SPAM1: variants seen among roughly 807,000 people sequenced by gnomAD.
SPAM1 encodes sperm adhesion molecule 1, also known as hyaluronidase PH-20.
In SPAM1, 22 loss-of-function variants were observed where a neutral mutation model predicts 29.6. That is an observed-to-expected ratio of 0.74 (90% CI 0.53 to 1.06). The LOEUF is 1.06. Among genes scored for constraint, SPAM1 ranks in the 50% least tolerant of loss-of-function variants. SPAM1 has a pLI of 0.00. For missense variants in SPAM1, 534 were observed against 604.0 expected (o/e 0.88, Z 1.21); for synonymous variants, 194 against 204.6 (o/e 0.95, Z 0.44).
At chr7:123,946,805 G>A (rs1808587988) in intron 1 of SPAM1, among the ~76,000 whole-genome samples, 1 of 152,136 alleles carries the variant, frequency 6.6e-6, no homozygotes, top group African/African-American at 2.4e-5. Context: ...ATAAGGTAGA[G>A]GAAGCAATCA....
intron 1 of SPAM1, among the ~76,000 whole-genome samples, chr7:123,934,788 T>A (rs75006994): frequency 7.4e-4 from 113 of 152,196 alleles, no homozygotes; most frequent in African/African-American, 2.6e-3. Flanking sequence ...GAAACGTTGA[T>A]CTTATAGAGG....
intron 1 of SPAM1, among the ~76,000 whole-genome samples, chr7:123,931,144 A>G (rs962748505): frequency 6.6e-6 from 1 of 152,138 alleles, no homozygotes; most frequent in African/African-American, 2.4e-5. Flanking sequence ...GTAATACCCC[A>G]TAATGAAGGC....
chr7:123,927,735 T>C (rs1386573242), intron 1 of SPAM1, among the ~76,000 whole-genome samples: 6 of 152,160 alleles, frequency 3.9e-5, no homozygotes, highest in African/African-American at 1.4e-4. Context: ...TATTAATGTA[T>C]TGAACAAGAG....
intron 1 of SPAM1, among the ~76,000 whole-genome samples, chr7:123,928,425 G>A (rs1807964915): frequency 6.6e-6 from 1 of 152,136 alleles, no homozygotes; most frequent in Non-Finnish European, 1.5e-5. Flanking sequence ...TATACTCTAT[G>A]GTGGCATTAA....
intron 2 of SPAM1, among the ~76,000 whole-genome samples, chr7:123,952,203 A>G (rs1346077515): frequency 6.6e-6 from 1 of 152,134 alleles, no homozygotes; most frequent in Non-Finnish European, 1.5e-5. Context: ...TATATGTTCT[A>G]AACATGAGGG....
Position 123,954,404 on chromosome 7 carries a change from G to A in SPAM1, c.834G>A (p.Val278=), listed in dbSNP as rs748635413. Reference sequence around the variant, plus strand: ...CTCCTGTAGCTGCTACACTCTATGTGCGCAATCGAGTTCGGGAAGCCATCA... The same window carrying A: ...CTCCTGTAGCTGCTACACTCTATGTACGCAATCGAGTTCGGGAAGCCATCA... ...QQSPVAATLY[V]RNRVREAIRV... The change falls in exon 3 of 5, where the codon GTG becomes GTA. Residue 278 remains valine, a synonymous_variant. Transcript: ENST00000682466. 1 of 1,613,366 alleles carries A rather than the reference G, an allele frequency of 6.2e-7. No individual in the cohort carries two copies. The highest frequency in any genetic ancestry group is 8.5e-7 in the Non-Finnish European group (1 of 1,179,630).
Position 123,953,635 on chromosome 7 carries a change from A to G in SPAM1, c.65A>G (p.Gln22Arg), listed in dbSNP as rs1455228294. 5 of 1,612,614 alleles carry G rather than the reference A, an allele frequency of 3.1e-6. No individual in the cohort carries two copies. Among genetic ancestry groups the G allele is most frequent in the Non-Finnish European group, 4.2e-6 (5 of 1,179,498 alleles). ...RSFVKSSGVS[Q>R]IVFTFLLIPC... The stretch of plus-strand genomic sequence containing the variant: ...TTTGTTAAATCAAGTGGAGTATCCC[A>G]GATAGTTTTCACCTTCCTTCTGATT... Residue 22 changes from glutamine to arginine, a missense_variant, in exon 3 of 5, where the codon CAG (glutamine) becomes CGG (arginine). By Grantham distance (43) the Gln-to-Arg change is conservative (BLOSUM62 1). Coordinates refer to ENST00000682466, the MANE Select transcript of SPAM1 (RefSeq NM_153189.3).
downstream of SPAM1, among the ~76,000 whole-genome samples, chr7:123,961,351 A>G (rs1479777969): frequency 6.6e-6 from 1 of 151,894 alleles, no homozygotes; most frequent in Non-Finnish European, 1.5e-5. Flanking sequence ...TAATAATCAT[A>G]ACAATAATTC....
At chr7:123,946,201 A>G (rs1461912082) in intron 1 of SPAM1, among the ~76,000 whole-genome samples, 1 of 152,202 alleles carries the variant, frequency 6.6e-6, no homozygotes, top group Non-Finnish European at 1.5e-5. Context: ...TGAAAGCAGA[A>G]AAACTTGCCT....
Position 123,953,769 on chromosome 7 carries a change from C to A in SPAM1, c.199C>A (p.Pro67Thr), listed in dbSNP as rs1295889307. 6.2e-7 allele frequency: 1 copy of A among 1,612,832 alleles called. No individual in the cohort carries two copies. Among genetic ancestry groups the A allele is most frequent in the Non-Finnish European group, 8.5e-7 (1 of 1,179,518 alleles). Residue 67 changes from proline to threonine, a missense_variant, in exon 3 of 5, where the codon CCA (proline) becomes ACA (threonine). Pro to Thr is a conservative substitution (Grantham distance 38). Transcript: ENST00000682466. ...ATTTTGTCTTGGAAAATTTGATGAG[C>A]CACTAGATATGAGCCTCTTCTCTTT... ...SEFCLGKFDE[P>T]LDMSLFSFIG...
rs1179352027 is a variant in SPAM1 at position 123,959,893 on chromosome 7, C to T, written c.1454C>T (p.Ser485Leu). ...TEEPQIFYNA[S>L]PSTLSATMFI... ...GAACCTCAAATTTTCTACAATGCTT[C>T]ACCCTCCACACTATCTGCCACAATG... Residue 485 changes from serine to leucine, a missense_variant, in exon 5 of 5, where the codon TCA (serine) becomes TTA (leucine). Transcript: ENST00000682466. The T allele has an allele frequency of 2.5e-6, 4 of 1,612,758 alleles. No individual in the cohort carries two copies. Among genetic ancestry groups the T allele is most frequent in the Non-Finnish European group, 3.4e-6 (4 of 1,179,474 alleles).
At chr7:123,934,044 A>G (rs1210415545) in intron 1 of SPAM1, among the ~76,000 whole-genome samples, 1 of 152,196 alleles carries the variant, frequency 6.6e-6, no homozygotes, top group Non-Finnish European at 1.5e-5. Context: ...TACAGTATTC[A>G]GTACAATAAC....
chr7:123,961,554 T>A (rs981048963), downstream of SPAM1, among the ~76,000 whole-genome samples: 2 of 152,034 alleles, frequency 1.3e-5, no homozygotes, highest in African/African-American at 2.4e-5. Context: ...CACATTTTTT[T>A]AATCCATTCA....
intron 1 of SPAM1, among the ~76,000 whole-genome samples, chr7:123,949,063 T>A (rs1363234834): frequency 2.0e-5 from 3 of 151,632 alleles, no homozygotes; most frequent in Non-Finnish European, 4.4e-5. Context: ...ACCTTAAATA[T>A]ACTCAGTAAA....
At chr7:123,940,097 C>T (rs1313097568) in intron 1 of SPAM1, among the ~76,000 whole-genome samples, 1 of 147,846 alleles carries the variant, frequency 6.8e-6, no homozygotes, top group South Asian at 2.1e-4. Context: ...CTGCTTACTT[C>T]TTTTTTTTTT....
At position 123,959,855 on chromosome 7, in the gene SPAM1, C is replaced by G; in HGVS notation, c.1416C>G (p.Pro472=). The G allele has an allele frequency of 6.2e-7, 1 of 1,613,014 alleles. No homozygotes were observed. The highest frequency in any genetic ancestry group is 8.5e-7 in the Non-Finnish European group (1 of 1,179,434). The stretch of plus-strand genomic sequence containing the variant: ...GTATAGATGCTTTTCTAAAACCTCC[C>G]ATGGAGACAGAAGAACCTCAAATTT... ...GVCIDAFLKP[P]METEEPQIFY... is the part of the protein sequence containing the mutation. The change falls in exon 5 of 5, where the codon CCC becomes CCG. Residue 472 remains proline, a synonymous_variant. Coordinates refer to ENST00000682466, the MANE Select transcript of SPAM1 (RefSeq NM_153189.3).
downstream of SPAM1, among the ~76,000 whole-genome samples, chr7:123,961,629 C>T (rs1005709435): frequency 6.6e-6 from 1 of 151,916 alleles, no homozygotes; most frequent in African/African-American, 2.4e-5. Context: ...GCAATAAACA[C>T]GGGATGCAGA....
At chr7:123,943,052 C>A (rs1393717053) in intron 1 of SPAM1, among the ~76,000 whole-genome samples, 2 of 152,082 alleles carry the variant, frequency 1.3e-5, no homozygotes. Context: ...ATACTTTACT[C>A]AATTATTAAA....
downstream of SPAM1, among the ~76,000 whole-genome samples, chr7:123,962,795 GT>G (rs555059458): frequency 2.0e-5 from 3 of 151,852 alleles, no homozygotes; most frequent in Non-Finnish European, 2.9e-5. Flanking sequence ...TCTGGTTTCA[GT>G]TTTTTTGTAC....
Sources: allele counts gnomAD v4.1 joint callset (sites outside exome capture counted in the v4.1 genomes callset), GRCh38; gene constraint gnomAD v4.1.1; transcripts MANE v1.5; gene names NCBI Gene and HGNC (gene_info 2026-07-23, HGNC 2026-07-21).